Variants in PDE1A observed in about 807,000 individuals in gnomAD.
PDE1A encodes the protein dual specificity calcium/calmodulin-dependent 3',5'-cyclic nucleotide phosphodiesterase 1A.
A neutral mutation model predicts 61.7 loss-of-function variants in PDE1A; 35 were observed. The observed-to-expected ratio is 0.57, with a 90% CI of 0.43 to 0.75. The LOEUF (loss-of-function observed/expected upper bound fraction) is 0.75, where lower values mean the gene tolerates loss of function less well. Ranked by LOEUF, PDE1A falls within the 30% of genes least tolerant of loss-of-function variation. The pLI is 0.00. For synonymous variants in PDE1A, 232 were observed against 213.2 expected (o/e 1.09, Z -0.77); for missense variants, 597 against 630.6 (o/e 0.95, Z 0.57).
intron 1 of PDE1A, among the ~76,000 whole-genome samples, chr2:182,371,938 C>A (rs1391203371): frequency 3.3e-5 from 5 of 152,236 alleles, no homozygotes; most frequent in Non-Finnish European, 5.9e-5. Flanking sequence ...GCATGCACCA[C>A]CACGCCTGGC....
the PDE1A span, among the ~76,000 whole-genome samples, chr2:182,551,051 A>G: frequency 1.5e-5 from 2 of 131,470 alleles, no homozygotes; most frequent in Non-Finnish European, 3.4e-5. Flanking sequence ...ATCAGCAAAT[A>G]CAAAAAAAAA....
the PDE1A span, among the ~76,000 whole-genome samples, chr2:182,679,182 A>AT: frequency 1.7e-3 from 241 of 141,046 alleles, no homozygotes; most frequent in African/African-American, 6.2e-3. Context: ...TATTATTATT[A>AT]TTATTATTAT....
intron 6 of PDE1A, among the ~76,000 whole-genome samples, chr2:182,225,314 T>A (rs573267109): frequency 3.9e-5 from 6 of 151,964 alleles, no homozygotes; most frequent in African/African-American, 1.4e-4. Flanking sequence ...ACTAATTTGA[T>A]GAGAATTGAT....
At chr2:182,489,267 G>C (rs942005790) in intron 2 of PDE1A, among the ~76,000 whole-genome samples, 1 of 152,212 alleles carries the variant, frequency 6.6e-6, no homozygotes, top group Non-Finnish European at 1.5e-5. Context: ...GATGGAGCCA[G>C]TGTGTGAGAA....
chr2:182,185,405 C>T (rs527566772), intron 13 of PDE1A, among the ~76,000 whole-genome samples: 21 of 152,294 alleles, frequency 1.4e-4, no homozygotes, highest in Non-Finnish European at 2.4e-4. Flanking sequence ...CATGCGATTG[C>T]TGTGGTGGTT....
the PDE1A span, among the ~76,000 whole-genome samples, chr2:182,574,439 A>C: frequency 1.3e-5 from 2 of 152,172 alleles, no homozygotes; most frequent in Admixed American, 1.3e-4. Flanking sequence ...TAATCTTCAA[A>C]TAAAGACAAT....
At chr2:182,212,349 T>G (rs946200318) in intron 7 of PDE1A, among the ~76,000 whole-genome samples, 1 of 152,168 alleles carries the variant, frequency 6.6e-6, no homozygotes, top group African/African-American at 2.4e-5. Context: ...TTACCATTTT[T>G]TGAGGTGAGA....
chr2:182,702,079 T>C, the PDE1A span, among the ~76,000 whole-genome samples: 3 of 152,206 alleles, frequency 2.0e-5, no homozygotes, highest in Non-Finnish European at 4.4e-5. Context: ...GCATAAACAG[T>C]AATAATTTAT....
At chr2:182,304,133 T>C (rs1013189214) in intron 1 of PDE1A, among the ~76,000 whole-genome samples, 7 of 152,136 alleles carry the variant, frequency 4.6e-5, no homozygotes, top group African/African-American at 1.7e-4. Flanking sequence ...TCCTCCTGCC[T>C]CGGACTCCCA....
chr2:182,213,535 A>G (rs1409031946), intron 7 of PDE1A, among the ~76,000 whole-genome samples: 1 of 98,508 alleles, frequency 1.0e-5, no homozygotes, highest in Non-Finnish European at 2.1e-5. Context: ...ATTTAGAAGA[A>G]TGTATAACTA....
At position 182,379,199 on chromosome 2, in the gene PDE1A, C is replaced by G. The variant is rs578078908; in HGVS notation, c.53+47379G>C. Among the ~76,000 whole-genome samples the G allele has an allele frequency of 2.0e-5, 3 of 152,298 alleles. No homozygotes were observed. The South Asian group carries it at 6.2e-4, about 32-fold the overall frequency. ...CCTAGAACTACTTAAATCTTTGCTT[C>G]ATGCCAAATACTTCACAAGATAGAA... On this transcript the variant is annotated intron_variant, in intron 1 of 13. Transcript: ENST00000351439.
intron 2 of PDE1A, among the ~76,000 whole-genome samples, chr2:182,490,623 T>C (rs1256634034): frequency 6.6e-6 from 1 of 152,232 alleles, no homozygotes; most frequent in Non-Finnish European, 1.5e-5. Context: ...TCCACCCACC[T>C]GGGCCTCCCA....
chr2:182,552,511 C>G, the PDE1A span, among the ~76,000 whole-genome samples: 36 of 138,832 alleles, frequency 2.6e-4, 1 homozygote, highest in South Asian at 2.7e-3. Flanking sequence ...GTGGCGTGAT[C>G]TCGGCTCACT....
intron 1 of PDE1A, among the ~76,000 whole-genome samples, chr2:182,358,511 C>A (rs1447537166): frequency 6.6e-6 from 1 of 152,070 alleles, no homozygotes; most frequent in Non-Finnish European, 1.5e-5. Flanking sequence ...TCCTAGACAC[C>A]GTGTTTTTCT....
chr2:182,525,385 A>C (rs1266846726), upstream of PDE1A, among the ~76,000 whole-genome samples: 1 of 152,128 alleles, frequency 6.6e-6, no homozygotes, highest in Non-Finnish European at 1.5e-5. Flanking sequence ...AAATTGTTCT[A>C]AGTATTTGTG....
chr2:182,468,776 T>G (rs916444358), intron 2 of PDE1A, among the ~76,000 whole-genome samples: 7 of 152,012 alleles, frequency 4.6e-5, no homozygotes, highest in Admixed American at 4.6e-4. Context: ...AAAGTCAAAA[T>G]TACTCCTTGG....
intron 1 of PDE1A, among the ~76,000 whole-genome samples, chr2:182,285,210 T>C (rs1160618030): frequency 6.6e-6 from 1 of 152,148 alleles, no homozygotes; most frequent in Non-Finnish European, 1.5e-5. Context: ...CCTTGGTTTT[T>C]ATGTTTTTCA....
At chr2:182,170,914 C>T (rs923772152) in intron 13 of PDE1A, among the ~76,000 whole-genome samples, 2 of 151,882 alleles carry the variant, frequency 1.3e-5, no homozygotes, top group African/African-American at 4.8e-5. Context: ...AATTAGTGAA[C>T]TATGATAATA....
chr2:182,150,566 G>A lies in PDE1A; in HGVS notation c.1517-3414C>T, dbSNP rs147037310. ...AGCCAGGAAAAACAGTGAAAATAAA[G>A]GAACATCAATAATTCTGTTCAGTTC... On this transcript the variant is annotated intron_variant, in intron 13 of 13. Coordinates refer to the PDE1A transcript ENST00000409365. Among the ~76,000 whole-genome samples the A allele has an allele frequency of 4.5e-4, 69 of 152,220 alleles. 2 individuals carry two copies. In the East Asian group the frequency reaches 0.011, roughly 24 times the overall value.
Sources: gnomAD v4.1 joint callset for allele counts (sites outside exome capture counted in the v4.1 genomes callset) on GRCh38, gnomAD v4.1.1 for gene constraint, MANE v1.5 for transcripts, NCBI Gene and HGNC (gene_info 2026-07-23, HGNC 2026-07-21) for gene names.